ABTB2: variants seen among roughly 807,000 people sequenced by gnomAD.
ABTB2 encodes ankyrin repeat and BTB domain containing 2.
In ABTB2, 56 loss-of-function variants were observed where a neutral mutation model predicts 104.1. That is an observed-to-expected ratio of 0.54 (90% confidence interval 0.43 to 0.67). The LOEUF (loss-of-function observed/expected upper bound fraction) is 0.67, where lower values mean the gene tolerates loss of function less well. Ranked by LOEUF, ABTB2 falls within the 30% of genes least tolerant of loss-of-function variation. ABTB2 has a pLI of 0.00. For missense variants in ABTB2, 1,279 were observed against 1,407.7 expected, an observed-to-expected ratio of 0.91 and a Z score of 1.46; for synonymous variants, 606 against 608.2, an observed-to-expected ratio of 1.00 and a Z score of 0.05.
intron 14 of ABTB2, among the ~76,000 whole-genome samples, chr11:34,158,282 G>A (rs529563903): frequency 9.2e-5 from 14 of 152,228 alleles, no homozygotes; most frequent in African/African-American, 2.2e-4. Context: ...GTGTGGTGGC[G>A]GGCGCCTGTA....
chr11:34,154,833 C>T lies in ABTB2; in HGVS notation c.2698-64G>A, dbSNP rs1469504942. 4.5e-6 allele frequency: 7 copies of T among 1,560,718 alleles called. No individual in the cohort carries two copies. Among genetic ancestry groups the T allele is most frequent in the African/African-American group, 1.4e-5 (1 of 73,764 alleles). The stretch of plus-strand genomic sequence containing the variant: ...CTGAGGCATGAAAGTCCTTGCCAGC[C>T]CCACAGGGTACTGCTCCAGCTGCCG... On this transcript the variant is annotated intron_variant, in intron 14 of 16. Coordinates refer to ENST00000435224, the MANE Select transcript of ABTB2 (RefSeq NM_145804.3). The surrounding 1 kb of genome is among the most constrained non-coding windows in gnomAD (Gnocchi z 4.9).
intron 7 of ABTB2, among the ~76,000 whole-genome samples, chr11:34,166,589 A>G (rs2133011225): frequency 6.6e-6 from 1 of 152,342 alleles, no homozygotes; most frequent in African/African-American, 2.4e-5. Flanking sequence ...GTGGGGAGCG[A>G]GGGTGTCACG....
At chr11:34,305,747 T>A (rs765575961) in intron 1 of ABTB2, among the ~76,000 whole-genome samples, 39 of 152,202 alleles carry the variant, frequency 2.6e-4, no homozygotes, top group Non-Finnish European at 5.0e-4. Context: ...GATAGTGCAA[T>A]AAATACTCAT....
chr11:34,169,009 C>T (rs931948057), intron 5 of ABTB2, among the ~76,000 whole-genome samples: 1 of 152,218 alleles, frequency 6.6e-6, no homozygotes, highest in African/African-American at 2.4e-5. Context: ...AAGCAATGGC[C>T]TGAGATTAAT....
rs1371677075 is a variant in ABTB2, at chr11:34,297,783, AAT to A, written c.883+58916_883+58917del. Reference sequence around the variant, plus strand: ...CTCCATCTCAAAAAAAAAAAAAAAAAATAAAAATAAAGGAAAGAAAAAGAAAA... The same window carrying A: ...CTCCATCTCAAAAAAAAAAAAAAAAAAAAAATAAAGGAAAGAAAAAGAAAA... On this transcript the variant is annotated intron_variant, in intron 1 of 16. Transcript: ENST00000435224. 3.1e-3 allele frequency among the ~76,000 whole-genome samples: 341 copies of A among 109,530 alleles called. 31 individuals carry two copies. The highest frequency in any genetic ancestry group is 0.01 in the African/African-American group (214 of 21,134). 71.9% of individuals were successfully genotyped at this position (109,530 alleles called of 152,430 possible).
At chr11:34,240,896 T>TC (rs1302760262) in intron 1 of ABTB2, among the ~76,000 whole-genome samples, 1 of 152,110 alleles carries the variant, frequency 6.6e-6, no homozygotes, top group South Asian at 2.1e-4. Flanking sequence ...TACCTGGCCT[T>TC]CCCCCCTTTT....
chr11:34,277,774 A>C (rs1277438912), intron 1 of ABTB2, among the ~76,000 whole-genome samples: 3 of 151,466 alleles, frequency 2.0e-5, no homozygotes, highest in Non-Finnish European at 4.4e-5. Flanking sequence ...TCTCAAAAAC[A>C]AAATGAAACA....
At chr11:34,272,795 A>T (rs1337257502) in intron 1 of ABTB2, among the ~76,000 whole-genome samples, 1 of 151,396 alleles carries the variant, frequency 6.6e-6, no homozygotes, top group Non-Finnish European at 1.5e-5. Context: ...TTTATCGTAT[A>T]TATGGTTTAT....
intron 1 of ABTB2, among the ~76,000 whole-genome samples, chr11:34,323,199 G>A (rs928205899): frequency 8.5e-5 from 13 of 152,126 alleles, no homozygotes; most frequent in African/African-American, 1.7e-4. Flanking sequence ...GAGTCACTGC[G>A]CCTGGCCGCA....
At position 34,357,187 on chromosome 11, in the gene ABTB2, G is replaced by T; in HGVS notation, c.397C>A (p.Arg133Ser). Residue 133 changes from arginine (R) to serine (S), a missense_variant, in exon 1 of 17, where the codon CGC becomes AGC. Physicochemically the swap from Arg to Ser is moderately radical, Grantham distance 110. Coordinates refer to ENST00000435224, the MANE Select transcript of ABTB2 (RefSeq NM_145804.3). ...CGGGCCACGCGGATCAGTGCCCTGC[G>T]GAGCAGCCCGGCCAGGCGCCTCACC... Reference protein sequence around the residue: ...EAVRRLAGLLRRALIRVAREA... With the variant: ...EAVRRLAGLLSRALIRVAREA... The T allele has an allele frequency of 2.7e-6, 4 of 1,507,978 alleles. No homozygotes were observed. The highest frequency in any genetic ancestry group is 2.6e-6 in the Non-Finnish European group (3 of 1,136,442). The allele number at this position is 1,507,978 out of a possible 1,614,324, so 93.4% of individuals were successfully genotyped here.
chr11:34,348,168 T>G (rs1855356733), intron 1 of ABTB2, among the ~76,000 whole-genome samples: 1 of 152,188 alleles, frequency 6.6e-6, no homozygotes, highest in African/African-American at 2.4e-5. Context: ...CTTTTAATGC[T>G]TTTACTGCTA....
chr11:34,325,408 T>C (rs1855057392), intron 1 of ABTB2, among the ~76,000 whole-genome samples: 1 of 152,192 alleles, frequency 6.6e-6, no homozygotes, highest in Admixed American at 6.5e-5. Context: ...AGTTCTGCTA[T>C]CTGCTGCCGA....
intron 3 of ABTB2, among the ~76,000 whole-genome samples, chr11:34,180,345 A>G (rs998731616): frequency 6.6e-6 from 1 of 152,254 alleles, no homozygotes; most frequent in African/African-American, 2.4e-5. Context: ...AGCAAGGAAC[A>G]CAGACCCAGA....
chr11:34,178,503 G>A (rs984759018), intron 3 of ABTB2, among the ~76,000 whole-genome samples: 3 of 152,338 alleles, frequency 2.0e-5, no homozygotes, highest in East Asian at 1.9e-4. Context: ...CAGGGTGAGA[G>A]GGCCTGAAGG....
At chr11:34,236,657 GA>G (rs1853848479) in intron 1 of ABTB2, among the ~76,000 whole-genome samples, 1 of 152,214 alleles carries the variant, frequency 6.6e-6, no homozygotes, top group Non-Finnish European at 1.5e-5. Flanking sequence ...ATCTCCTGGG[GA>G]AGCAGAAGTG....
At chr11:34,304,991 G>T (rs186288617) in intron 1 of ABTB2, among the ~76,000 whole-genome samples, 1 of 152,150 alleles carries the variant, frequency 6.6e-6, no homozygotes, top group Non-Finnish European at 1.5e-5. Flanking sequence ...AGTTATTTTG[G>T]CCACATGCAA....
At chr11:34,318,045 C>T (rs1192810203) in intron 1 of ABTB2, among the ~76,000 whole-genome samples, 3 of 151,792 alleles carry the variant, frequency 2.0e-5, no homozygotes, top group Non-Finnish European at 2.9e-5. Flanking sequence ...TGGCTCACTG[C>T]AACCTCCAGC....
intron 3 of ABTB2, among the ~76,000 whole-genome samples, chr11:34,183,643 A>G (rs964728250): frequency 1.3e-5 from 2 of 152,176 alleles, no homozygotes; most frequent in Non-Finnish European, 2.9e-5. Context: ...TAGTGCCTGC[A>G]CAGCACTCGT....
At chr11:34,288,590 A>G (rs957320358) in intron 1 of ABTB2, among the ~76,000 whole-genome samples, 2 of 152,020 alleles carry the variant, frequency 1.3e-5, no homozygotes, top group Non-Finnish European at 2.9e-5. Flanking sequence ...CCATTGCCTC[A>G]TTAGTCTCTT....
Sources: gnomAD v4.1 joint callset for allele counts (sites outside exome capture counted in the v4.1 genomes callset) on GRCh38, gnomAD v4.1.1 for gene constraint, Gnocchi (gnomAD v3.1) non-coding constraint, MANE v1.5 for transcripts, NCBI Gene and HGNC (gene_info 2026-07-23, HGNC 2026-07-21) for gene names.